DCPH1: variants seen among roughly 807,000 people sequenced by gnomAD.
DCPH1 encodes damage control phosphatase 1.
At chr6:151,466,513 G>A in the DCPH1 span, among the ~76,000 whole-genome samples, 1 of 152,112 alleles carries the variant, frequency 6.6e-6, no homozygotes, top group East Asian at 1.9e-4. Flanking sequence ...TTTGGTGTCC[G>A]CAGTGAGCAA....
chr6:151,459,791 A>C, the DCPH1 span, among the ~76,000 whole-genome samples: 1 of 152,170 alleles, frequency 6.6e-6, no homozygotes, highest in African/African-American at 2.4e-5. Flanking sequence ...CTGTTTAAAA[A>C]AACCAAAAAA....
At chr6:151,459,516 G>A in the DCPH1 span, among the ~76,000 whole-genome samples, 2 of 152,124 alleles carry the variant, frequency 1.3e-5, no homozygotes, top group Non-Finnish European at 2.9e-5. Flanking sequence ...TTTAGACCAG[G>A]CGTGGTGGCT....
the DCPH1 span, among the ~76,000 whole-genome samples, chr6:151,460,204 C>T: frequency 4.0e-5 from 6 of 151,880 alleles, no homozygotes; most frequent in Admixed American, 2.0e-4. Context: ...CTCAGCCTCC[C>T]GAGTAGCTGG....
chr6:151,466,004 C>T, the DCPH1 span, among the ~76,000 whole-genome samples: 3 of 152,182 alleles, frequency 2.0e-5, no homozygotes, highest in African/African-American at 7.2e-5. Context: ...CTGCAACCTC[C>T]GTCTCCCGGG....
chr6:151,452,870 T>C, the DCPH1 span: 2 of 348,224 alleles, frequency 5.7e-6, no homozygotes, highest in African/African-American at 2.1e-5. Context: ...TTCACTTTAA[T>C]AGACGCGCTT....
the DCPH1 span, among the ~76,000 whole-genome samples, chr6:151,455,204 T>C: frequency 1.3e-5 from 2 of 152,206 alleles, no homozygotes; most frequent in African/African-American, 4.8e-5. Flanking sequence ...CAAATAACTA[T>C]GTTATTGAAG....
At chr6:151,453,400 A>C in the DCPH1 span, among the ~76,000 whole-genome samples, 1 of 152,238 alleles carries the variant, frequency 6.6e-6, no homozygotes, top group East Asian at 1.9e-4. Flanking sequence ...ACTGCCTGGG[A>C]AAATTCAAGT....
the DCPH1 span, chr6:151,468,220 T>G: frequency 0.47 from 293,942 of 620,922 alleles, 75,907 homozygotes; most frequent in African/African-American, 0.82. Flanking sequence ...GATTTGATGG[T>G]CATGTAAAGA....
chr6:151,470,004 A>G, the DCPH1 span: 2 of 152,208 alleles, frequency 1.3e-5, no homozygotes, highest in African/African-American at 4.8e-5. Flanking sequence ...GATAGTAAAT[A>G]CTAAAAATTT....
At chr6:151,455,878 C>G in the DCPH1 span, among the ~76,000 whole-genome samples, 1 of 152,286 alleles carries the variant, frequency 6.6e-6, no homozygotes, top group Non-Finnish European at 1.5e-5. Context: ...GTCCCTGCGG[C>G]CTTCCGGCCT....
chr6:151,452,638 G>T, the DCPH1 span: 11 of 1,569,820 alleles, frequency 7.0e-6, no homozygotes, highest in Non-Finnish European at 7.8e-6. Context: ...GGCCTCGCCG[G>T]GAGCCTGTGG....
the DCPH1 span, chr6:151,464,662 GAAAAT>G: frequency 7.5e-7 from 1 of 1,340,566 alleles, no homozygotes. Context: ...TATTTAAACA[GAAAAT>G]AAACTGCTAT....
the DCPH1 span, among the ~76,000 whole-genome samples, chr6:151,467,825 G>A: frequency 6.6e-6 from 1 of 152,192 alleles, no homozygotes; most frequent in African/African-American, 2.4e-5. Context: ...TTAAAAAGTA[G>A]CGTCTTTAGA....
At chr6:151,460,083 GTTGT>G in the DCPH1 span, among the ~76,000 whole-genome samples, 22 of 151,964 alleles carry the variant, frequency 1.4e-4, no homozygotes, top group South Asian at 3.1e-3. Flanking sequence ...TGTTCTTGTT[GTTGT>G]TTGTTTGTTT....
chr6:151,469,694 C>A, the DCPH1 span: 1 of 152,560 alleles, frequency 6.6e-6, no homozygotes, highest in Admixed American at 6.5e-5. Context: ...TAGCTTGTTT[C>A]ATTTGCACGC....
At chr6:151,468,125 A>G in the DCPH1 span, among the ~76,000 whole-genome samples, 2 of 152,244 alleles carry the variant, frequency 1.3e-5, no homozygotes. Flanking sequence ...AGTCCATTAC[A>G]TACTGATGAA....
At chr6:151,454,592 TAA>T in the DCPH1 span, 1 of 1,579,954 alleles carries the variant, frequency 6.3e-7, no homozygotes, top group Middle Eastern at 1.7e-4. Context: ...CCACAGATCT[TAA>T]CTAAGGTTAT....
the DCPH1 span, among the ~76,000 whole-genome samples, chr6:151,463,647 A>C: frequency 2.7e-4 from 41 of 152,328 alleles, no homozygotes; most frequent in African/African-American, 9.9e-4. Flanking sequence ...TATTTAAAAA[A>C]ACAAAACAAA....
chr6:151,455,974 A>G, the DCPH1 span, among the ~76,000 whole-genome samples: 3 of 152,370 alleles, frequency 2.0e-5, no homozygotes, highest in South Asian at 6.2e-4. Context: ...CATCTGTTTA[A>G]CAAAGCACAT....
Sources: allele counts gnomAD v4.1 joint callset (sites outside exome capture counted in the v4.1 genomes callset), GRCh38; gene constraint gnomAD v4.1.1; transcripts MANE v1.5; gene names NCBI Gene and HGNC (gene_info 2026-07-23, HGNC 2026-07-21).